MED1: variants seen among roughly 807,000 people sequenced by gnomAD.
MED1 encodes the protein mediator complex subunit 1, also known as mediator of RNA polymerase II transcription subunit 1.
Under a neutral mutation model 121.3 loss-of-function variants are expected in MED1, and 17 were observed. That is an observed-to-expected ratio of 0.14 (90% CI 0.10 to 0.21). MED1 has a LOEUF of 0.21. MED1 is among the 10% of genes least tolerant of loss of function. MED1 has a pLI of 1.00. For missense variants in MED1, 1,558 were observed against 1,919.4 expected (o/e 0.81, Z 3.52); for synonymous variants, 661 against 694.4 (o/e 0.95, Z 0.76).
At chr17:39,414,119 C>A (rs1939535280) in intron 16 of MED1, among the ~76,000 whole-genome samples, 1 of 150,296 alleles carries the variant, frequency 6.7e-6, no homozygotes, top group Admixed American at 6.7e-5. Context: ...CCTAGCTACT[C>A]AGGAGGGTGA....
chr17:39,423,503 G>A, intron 12 of MED1, 58 bp from the exon 13 acceptor site: 1 of 1,473,616 alleles, frequency 6.8e-7, no homozygotes, highest in South Asian at 1.1e-5. Context: ...TGACAGCTCA[G>A]TTTCCCCTTG....
chr17:39,427,607 G>C (rs2048526647), intron 10 of MED1, 94 bp downstream of exon 10: 1 of 848,472 alleles, frequency 1.2e-6, no homozygotes. Flanking sequence ...CAAATGGTAA[G>C]GTCAACAAAC....
chr17:39,431,009 ACT>A (rs1213229427), intron 9 of MED1, 104 bp downstream of exon 9: 2 of 1,050,512 alleles, frequency 1.9e-6, no homozygotes, highest in Non-Finnish European at 2.9e-6. Flanking sequence ...ACAAAGTGAG[ACT>A]CTGTCTCAAA....
Position 39,410,449 on chromosome 17 carries a change from T to C in MED1, c.1772A>G (p.His591Arg). ...AGACACCTTGCTGAAGTCCTCCCCA[T>C]GGCCCACCGACTCATGCCGATCTTT... ...SIKDRHESVG[H>R]GEDFSKVSQN... Residue 591 changes from histidine to arginine, a missense_variant, in exon 17 of 17, where the codon CAT becomes CGT. Around this residue, in one of 5 missense-constraint regions of MED1, gnomAD observed 793 missense variants for 898.2 expected, o/e 0.88. Coordinates refer to ENST00000300651, the MANE Select transcript of MED1 (RefSeq NM_004774.4). 1 of 1,614,016 alleles carries C rather than the reference T, an allele frequency of 6.2e-7. No individual in the cohort carries two copies. The highest frequency in any genetic ancestry group is 1.1e-5 in the South Asian group (1 of 91,070).
chr17:39,442,853 C>T (rs191975329), intron 3 of MED1, among the ~76,000 whole-genome samples: 40 of 135,270 alleles, frequency 3.0e-4, no homozygotes, highest in African/African-American at 1.1e-3. Context: ...TGTGGTGAGC[C>T]GAGATTCCAC....
rs575591134 is a variant in MED1 at position 39,407,268 on chromosome 17, T to C, written c.*207A>G. 4 of 1,061,586 alleles carry C rather than the reference T, an allele frequency of 3.8e-6. No individual in the cohort carries two copies. In the Admixed American group the frequency reaches 2.5e-4, roughly 67 times the overall value. 65.8% of individuals were successfully genotyped at this position (1,061,586 alleles called of 1,614,324 possible). ...TTTCTGGCACAGGAACAAAGAAGAC[T>C]TCCTGGTAACCAGAATCAAACCCTG... On this transcript the variant is annotated 3_prime_UTR_variant, in exon 17 of 17. Transcript: ENST00000300651.
In MED1 at chr17:39,447,875, G is replaced by C; in HGVS notation, c.55C>G (p.Leu19Val). 6.2e-7 allele frequency: 1 copy of C among 1,613,172 alleles called. No individual in the cohort carries two copies. Among genetic ancestry groups the C allele is most frequent in the Non-Finnish European group, 8.5e-7 (1 of 1,179,338 alleles). Residue 19 changes from leucine to valine, a missense_variant, in exon 2 of 17, where the codon CTC (leucine) becomes GTC (valine). By Grantham distance (32) the Leu-to-Val change is conservative. Coordinates refer to ENST00000300651, the MANE Select transcript of MED1 (RefSeq NM_004774.4). ...AATTTTGCATGGAGCCGTTCCAGGA[G>C]AGAACTCATCTTACTCAGCTTTTCT... Reference protein sequence around the residue: ...ESEKLSKMSSLLERLHAKFNQ... With the variant: ...ESEKLSKMSSVLERLHAKFNQ...
intron 7 of MED1, 63 bp from the exon 8 acceptor site, chr17:39,432,079 C>T: frequency 6.4e-6 from 8 of 1,258,246 alleles, no homozygotes; most frequent in Non-Finnish European, 9.2e-6. Context: ...CGGGGTGGCT[C>T]AGCCTGTAAT....
At chr17:39,433,398 A>T (rs1368448673) in intron 7 of MED1, among the ~76,000 whole-genome samples, 2 of 151,566 alleles carry the variant, frequency 1.3e-5, no homozygotes, top group Non-Finnish European at 2.9e-5. Context: ...AAAACATTTT[A>T]AAACATTAAT....
intron 7 of MED1, among the ~76,000 whole-genome samples, chr17:39,433,789 G>A (rs1405215410): frequency 3.3e-5 from 5 of 152,022 alleles, no homozygotes; most frequent in African/African-American, 4.8e-5. Flanking sequence ...GATCTCCTGA[G>A]CTCAAGAAAT....
chr17:39,443,746 C>G (rs973429004), intron 2 of MED1, 118 bp from the exon 3 acceptor site: 1 of 766,018 alleles, frequency 1.3e-6, no homozygotes, highest in African/African-American at 1.7e-5. Context: ...TCAATATAGT[C>G]TATAGATTTT....
intron 2 of MED1, among the ~76,000 whole-genome samples, chr17:39,445,217 CTT>C (rs34886191): frequency 1.7e-4 from 25 of 143,812 alleles, no homozygotes; most frequent in African/African-American, 4.8e-4. Context: ...GTTGAAAACT[CTT>C]TTTTTTTTTT....
chr17:39,416,686 C>T (rs565125322), intron 14 of MED1, among the ~76,000 whole-genome samples: 1 of 152,090 alleles, frequency 6.6e-6, no homozygotes, highest in South Asian at 2.1e-4. Flanking sequence ...ATTTTTATTT[C>T]CATGAGAAGA....
chr17:39,422,277 C>T (rs960311233), intron 13 of MED1, among the ~76,000 whole-genome samples: 1 of 151,062 alleles, frequency 6.6e-6, no homozygotes, highest in Non-Finnish European at 1.5e-5. Context: ...AATTCTCCTG[C>T]CTCAGCCTCC....
rs767284680 is a variant in MED1 at position 39,447,877 on chromosome 17, G to C, written c.53C>G (p.Ser18Cys). Residue 18 changes from serine to cysteine, a missense_variant, in exon 2 of 17, where the codon TCT becomes TGT. Transcript: ENST00000300651. ...TTTTGCATGGAGCCGTTCCAGGAGA[G>C]AACTCATCTTACTCAGCTTTTCTGA... ...EESEKLSKMS[S>C]LLERLHAKFN... The C allele has an allele frequency of 6.2e-7, 1 of 1,612,670 alleles. No homozygotes were observed.
At chr17:39,448,900 ACT>A (rs1486991773) in intron 1 of MED1, among the ~76,000 whole-genome samples, 2 of 152,118 alleles carry the variant, frequency 1.3e-5, no homozygotes, top group East Asian at 3.9e-4. Context: ...CAAGAGCAAA[ACT>A]CTGTCTCAAA....
chr17:39,423,059 G>C (rs540565960), intron 13 of MED1, among the ~76,000 whole-genome samples: 1 of 151,390 alleles, frequency 6.6e-6, no homozygotes, highest in East Asian at 2.0e-4. Flanking sequence ...TAGAGACAGG[G>C]TTTCCCTATG....
intron 14 of MED1, among the ~76,000 whole-genome samples, chr17:39,419,081 A>C (rs1306371625): frequency 6.7e-6 from 1 of 149,984 alleles, no homozygotes; most frequent in Non-Finnish European, 1.5e-5. Flanking sequence ...CACTGCACTC[A>C]GCCTGGTGTT....
chr17:39,407,592 G>C lies in MED1; in HGVS notation c.4629C>G (p.Ser1543=). ...AGATTGTGTTACTTGTCATAGACAA[G>C]GACTGGTCTGAAGAGATGGGTGATT... ...WSKSPISSDQ[S]LSMTSNTILS... is the part of the protein sequence containing the mutation. The change falls in exon 17 of 17, where the codon TCC becomes TCG. Residue 1543 remains serine, a synonymous_variant. Transcript: ENST00000300651. The C allele has an allele frequency of 6.2e-7, 1 of 1,614,114 alleles. No homozygotes were observed.
Sources: allele counts gnomAD v4.1 joint callset (sites outside exome capture counted in the v4.1 genomes callset), GRCh38; gene constraint gnomAD v4.1.1; regional missense constraint gnomAD v4.1.1; transcripts MANE v1.5; gene names NCBI Gene and HGNC (gene_info 2026-07-23, HGNC 2026-07-21).